AGAP1: variants seen among roughly 807,000 people sequenced by gnomAD.
AGAP1 encodes ArfGAP with GTPase domain, ankyrin repeat and PH domain 1.
AGAP1 carries 29 observed loss-of-function variants against 105.3 expected under a neutral mutation model. The ratio of observed to expected loss-of-function variants is 0.28; its 90% CI spans 0.21 to 0.38. The LOEUF (loss-of-function observed/expected upper bound fraction) is 0.38. Ranked by LOEUF, AGAP1 falls within the 10% of genes least tolerant of loss-of-function variation. The pLI is 1.00. For missense variants in AGAP1, 998 were observed against 1,165.1 expected, an observed-to-expected ratio of 0.86 and a Z score of 2.09; for synonymous variants, 509 against 485.9, an observed-to-expected ratio of 1.05 and a Z score of -0.63.
intron 2 of AGAP1, among the ~76,000 whole-genome samples, chr2:235,710,688 A>G (rs1265305649): frequency 6.6e-6 from 1 of 152,198 alleles, no homozygotes; most frequent in Non-Finnish European, 1.5e-5. Flanking sequence ...TCTTAAGCCT[A>G]TTGAAGCCGT....
intron 16 of AGAP1, among the ~76,000 whole-genome samples, chr2:236,064,756 G>A (rs1378553681): frequency 6.6e-6 from 1 of 152,206 alleles, no homozygotes; most frequent in Non-Finnish European, 1.5e-5. Context: ...ACCTGGAAGA[G>A]CCTCGCACCC....
At chr2:235,667,253 A>T (rs1336596924) in intron 1 of AGAP1, among the ~76,000 whole-genome samples, 93 of 152,184 alleles carry the variant, frequency 6.1e-4, no homozygotes, top group Non-Finnish European at 2.9e-5. Flanking sequence ...GTCACTGTGT[A>T]GCATTGCAGT....
chr2:235,933,777 C>T (rs1027998829), intron 12 of AGAP1, among the ~76,000 whole-genome samples: 1 of 151,788 alleles, frequency 6.6e-6, no homozygotes, highest in East Asian at 1.9e-4. Flanking sequence ...ATGATCTGCC[C>T]GCCTTGGCCT....
rs2050481410 is a variant in AGAP1 at position 235,890,404 on chromosome 2, A to G, written c.1155+6955A>G. 2.6e-5 allele frequency among the ~76,000 whole-genome samples: 4 copies of G among 152,128 alleles called. No homozygotes were observed. The South Asian group carries it at 8.3e-4, about 32-fold the overall frequency. Reference sequence around the variant, plus strand: ...TGACCTCAAGTGATCCACCCGCCTCAGCCTCCCAAAGTGCTGGGATTATAG... The same window carrying G: ...TGACCTCAAGTGATCCACCCGCCTCGGCCTCCCAAAGTGCTGGGATTATAG... On this transcript the variant is annotated intron_variant, in intron 10 of 17. Transcript: ENST00000304032.
rs1478324623 is a variant in AGAP1 at position 235,962,829 on chromosome 2, G to A, written c.1484-5633G>A. ...TGTTCTTTGTGGCAGGGGCTGTCCT[G>A]TGCATTGTAGGGCATTTTTCAGCAC... On this transcript the variant is annotated intron_variant, in intron 12 of 17. Coordinates refer to ENST00000304032, the MANE Select transcript of AGAP1 (RefSeq NM_001037131.3). The surrounding 1 kb of genome is among the most constrained non-coding windows in gnomAD (Gnocchi z 5.3). Among the ~76,000 whole-genome samples the A allele has an allele frequency of 2.0e-5, 3 of 152,176 alleles. No individual in the cohort carries two copies. Among genetic ancestry groups the A allele is most frequent in the African/African-American group, 7.2e-5 (3 of 41,448 alleles).
Position 235,557,675 on chromosome 2 carries a change from G to A in AGAP1, c.163+62826G>A, listed in dbSNP as rs1944015500. 6.6e-6 allele frequency among the ~76,000 whole-genome samples: 1 copy of A among 152,152 alleles called. No individual in the cohort carries two copies. The highest frequency in any genetic ancestry group is 1.5e-5 in the Non-Finnish European group (1 of 68,020). On this transcript the variant is annotated intron_variant, in intron 1 of 17. Transcript: ENST00000304032. The surrounding 1 kb of genome is among the most constrained non-coding windows in gnomAD (Gnocchi z 4.7). ...GTCTGGATAAGGAAACTGAGGCACA[G>A]AGGGTCGAGGAACTTGCTGTGGTAC...
At chr2:235,884,088 T>C (rs1358251070) in intron 10 of AGAP1, among the ~76,000 whole-genome samples, 1 of 152,260 alleles carries the variant, frequency 6.6e-6, no homozygotes, top group African/African-American at 2.4e-5. Context: ...CTACCCTTGA[T>C]AAAATTTAAA....
At chr2:235,575,535 A>G (rs1944703545) in intron 1 of AGAP1, among the ~76,000 whole-genome samples, 1 of 152,136 alleles carries the variant, frequency 6.6e-6, no homozygotes, top group Non-Finnish European at 1.5e-5. Flanking sequence ...CTGTTGAATG[A>G]TATCTTCAGA....
At chr2:236,077,609 A>AC (rs1397658817) in intron 16 of AGAP1, among the ~76,000 whole-genome samples, 2 of 151,616 alleles carry the variant, frequency 1.3e-5, no homozygotes, top group Non-Finnish European at 2.9e-5. Context: ...ATGAGCCACC[A>AC]CCCCCAGCCA....
chr2:236,034,146 A>T (rs2057308071), intron 13 of AGAP1, among the ~76,000 whole-genome samples: 1 of 152,196 alleles, frequency 6.6e-6, no homozygotes, highest in South Asian at 2.1e-4. Context: ...GAGAATCTGT[A>T]TGGAAAAGGT....
rs2059695150 is a variant in AGAP1 at position 236,113,275 on chromosome 2, G to A, written c.2115-6917G>A. On this transcript the variant is annotated intron_variant, in intron 16 of 17. Coordinates refer to ENST00000304032, the MANE Select transcript of AGAP1 (RefSeq NM_001037131.3). This position sits in a 1 kb window ranked among gnomAD's most constrained non-coding sequence, Gnocchi z 4.3. ...CTGCCTCAGCCCCCCCGAGTAGCTG[G>A]GATTACAGGCATCCGCCACCATGCC... Among the ~76,000 whole-genome samples, 1 of 152,162 alleles carries A rather than the reference G, an allele frequency of 6.6e-6. No individual in the cohort carries two copies. The highest frequency in any genetic ancestry group is 2.4e-5 in the African/African-American group (1 of 41,442).
intron 1 of AGAP1, among the ~76,000 whole-genome samples, chr2:235,651,087 G>A (rs1396438436): frequency 6.7e-6 from 1 of 149,210 alleles, no homozygotes; most frequent in Non-Finnish European, 1.5e-5. Flanking sequence ...AGGCTGAGGT[G>A]GGACAATCAG....
intron 1 of AGAP1, among the ~76,000 whole-genome samples, chr2:235,706,675 A>C (rs1475298149): frequency 6.6e-6 from 1 of 152,128 alleles, no homozygotes; most frequent in South Asian, 2.1e-4. Flanking sequence ...AGCTTCAGTT[A>C]CTGGTTTTAC....
chr2:236,072,212 C>A (rs184004887), intron 16 of AGAP1: 1 of 148,886 alleles, frequency 6.7e-6, no homozygotes, highest in East Asian at 2.0e-4. Context: ...GAGGCCAAGG[C>A]AGACAGATCA....
At chr2:235,916,855 G>T (rs1204655432) in intron 11 of AGAP1, among the ~76,000 whole-genome samples, 1 of 152,158 alleles carries the variant, frequency 6.6e-6, no homozygotes, top group Non-Finnish European at 1.5e-5. Flanking sequence ...TGGACATAGG[G>T]CTTAGACTTC....
intron 16 of AGAP1, among the ~76,000 whole-genome samples, chr2:236,077,625 G>A (rs1348522501): frequency 2.0e-5 from 3 of 152,058 alleles, no homozygotes; most frequent in Non-Finnish European, 2.9e-5. Context: ...AGCCATGTAT[G>A]TCTTTTAAAG....
At chr2:235,998,500 A>G (rs2055912353) in intron 13 of AGAP1, among the ~76,000 whole-genome samples, 1 of 152,226 alleles carries the variant, frequency 6.6e-6, no homozygotes. Flanking sequence ...CACCTCTGGA[A>G]TGGAGATAGA....
At position 236,129,199 on chromosome 2, in the gene AGAP1, C is replaced by T. The variant is rs1209182240; in HGVS notation, c.*5077C>T. On this transcript the variant is annotated 3_prime_UTR_variant, in exon 18 of 18. Coordinates refer to ENST00000304032, the MANE Select transcript of AGAP1 (RefSeq NM_001037131.3). The surrounding 1 kb of genome is among the most constrained non-coding windows in gnomAD (Gnocchi z 6.2). The stretch of plus-strand genomic sequence containing the variant: ...TCAGGGAGCCCTTGTGGTCATGTGT[C>T]TTTAATGCTGCTCCCCATGCCCCCA... 1 of 152,292 alleles carries T rather than the reference C, an allele frequency of 6.6e-6. No homozygotes were observed. The highest frequency in any genetic ancestry group is 2.4e-5 in the African/African-American group (1 of 41,462). The allele number at this position is 152,292 out of a possible 1,614,324, so 9.4% of individuals were successfully genotyped here.
rs1575926752 is a variant in AGAP1, at chr2:235,970,139, T to C, written c.1645+1516T>C. Among the ~76,000 whole-genome samples, 2 of 147,920 alleles carry C rather than the reference T, an allele frequency of 1.4e-5. No homozygotes were observed. Among genetic ancestry groups the C allele is most frequent in the Non-Finnish European group, 1.5e-5 (1 of 67,472 alleles). On this transcript the variant is annotated intron_variant, in intron 13 of 17. Coordinates refer to ENST00000304032, the MANE Select transcript of AGAP1 (RefSeq NM_001037131.3). The surrounding 1 kb of genome is among the most constrained non-coding windows in gnomAD (Gnocchi z 5.4). Reference sequence around the variant, plus strand: ...ATTGATTGAACCCAGGAGGTGGAGGTTGCAGTGAACCGAGACCATGCCACT... The same window carrying C: ...ATTGATTGAACCCAGGAGGTGGAGGCTGCAGTGAACCGAGACCATGCCACT...
Sources: allele counts gnomAD v4.1 joint callset (sites outside exome capture counted in the v4.1 genomes callset), GRCh38; gene constraint gnomAD v4.1.1; non-coding constraint Gnocchi (gnomAD v3.1); transcripts MANE v1.5; gene names NCBI Gene and HGNC (gene_info 2026-07-23, HGNC 2026-07-21).